The following NLGN1 variants were observed in gnomAD, a reference collection of about 807,000 sequenced individuals.
NLGN1 encodes the protein neuroligin 1, also known as neuroligin-1.
A neutral mutation model predicts 65.5 loss-of-function variants in NLGN1; 12 were observed. The ratio of observed to expected loss-of-function variants is 0.18; its 90% CI spans 0.12 to 0.30. The LOEUF (loss-of-function observed/expected upper bound fraction) is 0.30, where lower values mean the gene tolerates loss of function less well. NLGN1 is among the 10% of genes least tolerant of loss of function. NLGN1 has a pLI of 1.00. For missense variants in NLGN1, 750 were observed against 1,007.1 expected, an observed-to-expected ratio of 0.74 and a Z score of 3.46; for synonymous variants, 350 against 359.5, an observed-to-expected ratio of 0.97 and a Z score of 0.30.
rs1156996606 is a variant in NLGN1 at position 174,205,433 on chromosome 3, ATT to A, written c.647-69878_647-69877del. Among the ~76,000 whole-genome samples the A allele has an allele frequency of 3.3e-5, 5 of 152,314 alleles. No individual in the cohort carries two copies. The East Asian group carries it at 9.6e-4, about 29-fold the overall frequency. ...AATGTAATATAAATTAAAAGTTTTA[ATT>A]TTTGTTAACATTTAAAAATCAAAGT... is the stretch of plus-strand genomic sequence containing the variant. On this transcript the variant is annotated intron_variant, in intron 4 of 6. Transcript: ENST00000457714.
intron 4 of NLGN1, among the ~76,000 whole-genome samples, chr3:173,958,530 C>T (rs948819781): frequency 6.6e-6 from 1 of 152,112 alleles, no homozygotes; most frequent in Non-Finnish European, 1.5e-5. Context: ...GAGGTCATCC[C>T]ATTTTCTCCT....
Position 174,246,716 on chromosome 3 carries a change from G to A in NLGN1, c.647-28599G>A, listed in dbSNP as rs560652382. Among the ~76,000 whole-genome samples, 4 of 150,392 alleles carry A rather than the reference G, an allele frequency of 2.7e-5. No homozygotes were observed. The South Asian group carries it at 8.5e-4, about 32-fold the overall frequency. ...TTACAGGTGTGAGCCACTGTTTTTA[G>A]CTCCTAATTCCATTTTTAATAAAGC... On this transcript the variant is annotated intron_variant, in intron 4 of 6. Transcript: ENST00000457714.
chr3:173,574,867 A>T (rs897911016), intron 2 of NLGN1, among the ~76,000 whole-genome samples: 1 of 152,190 alleles, frequency 6.6e-6, no homozygotes, highest in Non-Finnish European at 1.5e-5. Context: ...CAAATGACAC[A>T]TTTGATCTGC....
chr3:173,896,479 C>T lies in NLGN1; in HGVS notation c.646+88647C>T, dbSNP rs372248954. Among the ~76,000 whole-genome samples the T allele has an allele frequency of 3.2e-4, 49 of 152,212 alleles. No homozygotes were observed. The South Asian group carries it at 9.6e-3, about 30-fold the overall frequency. Reference sequence around the variant, plus strand: ...AGGCTAGGAATAGACTTACATTTCTCCTGTAGCAGTTTTAGAATTGCTTGG... The same window carrying T: ...AGGCTAGGAATAGACTTACATTTCTTCTGTAGCAGTTTTAGAATTGCTTGG... On this transcript the variant is annotated intron_variant, in intron 4 of 6. Coordinates refer to ENST00000457714, the Ensembl canonical transcript of NLGN1.
intron 2 of NLGN1, among the ~76,000 whole-genome samples, chr3:173,495,559 TAGG>T (rs202006931): frequency 0.054 from 8,236 of 151,420 alleles, 296 homozygotes; most frequent in South Asian, 0.12. Flanking sequence ...GTCTTAATTT[TAGG>T]AGGAGAATTA....
At chr3:174,045,090 C>T (rs995138457) in intron 4 of NLGN1, among the ~76,000 whole-genome samples, 7 of 152,160 alleles carry the variant, frequency 4.6e-5, no homozygotes, top group Admixed American at 2.6e-4. Flanking sequence ...CAACCTCTGC[C>T]TGTTACTCAG....
At chr3:173,414,044 C>T (rs1029544655) in intron 1 of NLGN1, among the ~76,000 whole-genome samples, 1 of 152,116 alleles carries the variant, frequency 6.6e-6, no homozygotes, top group African/African-American at 2.4e-5. Flanking sequence ...GAAGGTACCC[C>T]AAAGTGCCTC....
chr3:173,824,267 GA>G (rs1321378373), intron 4 of NLGN1, among the ~76,000 whole-genome samples: 2 of 151,992 alleles, frequency 1.3e-5, no homozygotes, highest in African/African-American at 4.8e-5. Context: ...CAGCCAAAAG[GA>G]AAAAAATGTC....
chr3:173,568,755 G>A (rs949672865), intron 2 of NLGN1, among the ~76,000 whole-genome samples: 5 of 152,028 alleles, frequency 3.3e-5, no homozygotes, highest in African/African-American at 1.2e-4. Flanking sequence ...CTCGCTGCAA[G>A]CTCCGCCTCC....
At chr3:173,759,982 ACTTACTAAATTAGACCATC>A (rs1454878437) in intron 3 of NLGN1, among the ~76,000 whole-genome samples, 1 of 151,958 alleles carries the variant, frequency 6.6e-6, no homozygotes, top group African/African-American at 2.4e-5. Flanking sequence ...TGTAACATTC[ACTTACTAAATTAGACCATC>A]CTTTTCAAAC....
At chr3:173,628,316 C>A (rs1402831475) in intron 3 of NLGN1, among the ~76,000 whole-genome samples, 1 of 152,078 alleles carries the variant, frequency 6.6e-6, no homozygotes, top group Non-Finnish European at 1.5e-5. Flanking sequence ...ACAACCCCAC[C>A]TTATTCTTCG....
chr3:174,265,624 A>G (rs1474601591), intron 4 of NLGN1, among the ~76,000 whole-genome samples: 1 of 151,942 alleles, frequency 6.6e-6, no homozygotes, highest in African/African-American at 2.4e-5. Context: ...ATGGAAATGC[A>G]GAAATCACCC....
intron 4 of NLGN1, among the ~76,000 whole-genome samples, chr3:173,904,928 T>A (rs1189990857): frequency 6.6e-6 from 1 of 152,202 alleles, no homozygotes; most frequent in Non-Finnish European, 1.5e-5. Flanking sequence ...AGGGCCAACC[T>A]GCCCTGGCTA....
At chr3:173,852,951 C>A (rs1272459887) in intron 4 of NLGN1, among the ~76,000 whole-genome samples, 1 of 152,184 alleles carries the variant, frequency 6.6e-6, no homozygotes, top group Non-Finnish European at 1.5e-5. Flanking sequence ...CAGGTACTCT[C>A]AAGTGGGTTT....
chr3:173,478,431 T>C (rs1181420334), intron 2 of NLGN1, among the ~76,000 whole-genome samples: 1 of 152,044 alleles, frequency 6.6e-6, no homozygotes, highest in African/African-American at 2.4e-5. Context: ...TCAGGATAAA[T>C]AGCTAATGCA....
intron 4 of NLGN1, among the ~76,000 whole-genome samples, chr3:173,819,745 C>A (rs1719831963): frequency 6.6e-6 from 1 of 152,132 alleles, no homozygotes; most frequent in African/African-American, 2.4e-5. Context: ...TGACTCACCA[C>A]CCAAATTAAA....
At chr3:173,976,458 G>A (rs1717494445) in intron 4 of NLGN1, among the ~76,000 whole-genome samples, 1 of 152,164 alleles carries the variant, frequency 6.6e-6, no homozygotes, top group South Asian at 2.1e-4. Context: ...TACTGATGAA[G>A]ATGTGGGTCA....
intron 4 of NLGN1, among the ~76,000 whole-genome samples, chr3:173,839,430 G>GTT (rs536743422): frequency 1.4e-4 from 20 of 143,710 alleles, no homozygotes; most frequent in East Asian, 6.1e-4. Flanking sequence ...TTGTTTTTTT[G>GTT]TTTTTTTTTT....
chr3:174,286,796 A>G (rs1181104153), downstream of NLGN1, among the ~76,000 whole-genome samples: 2 of 151,518 alleles, frequency 1.3e-5, no homozygotes, highest in Non-Finnish European at 3.0e-5. Context: ...ACATTTTATG[A>G]TCTTTTCACC....
Sources: allele counts gnomAD v4.1 joint callset (sites outside exome capture counted in the v4.1 genomes callset), GRCh38; gene constraint gnomAD v4.1.1; transcripts MANE v1.5; gene names NCBI Gene and HGNC (gene_info 2026-07-23, HGNC 2026-07-21).